CHCHD3: variants seen among roughly 807,000 people sequenced by gnomAD.
CHCHD3 encodes the protein coiled-coil-helix-coiled-coil-helix domain containing 3, also known as MICOS complex subunit MIC19.
A neutral mutation model predicts 38.2 loss-of-function variants in CHCHD3; 20 were observed. The ratio of observed to expected loss-of-function variants is 0.52; its 90% confidence interval spans 0.37 to 0.76. CHCHD3 has a LOEUF of 0.76. Ranked by LOEUF, CHCHD3 falls within the 30% of genes least tolerant of loss-of-function variation. The pLI is 0.00. For synonymous variants in CHCHD3, 82 were observed against 100.0 expected (o/e 0.82, Z 1.07); for missense variants, 245 against 279.2 (o/e 0.88, Z 0.87).
chr7:133,075,128 C>A (rs925757546), intron 1 of CHCHD3, among the ~76,000 whole-genome samples: 3 of 152,176 alleles, frequency 2.0e-5, no homozygotes, highest in Non-Finnish European at 2.9e-5. Flanking sequence ...CTCTTTCAAC[C>A]TAATCACTAA....
chr7:132,932,289 T>C (rs1377904087), intron 4 of CHCHD3, among the ~76,000 whole-genome samples: 1 of 152,036 alleles, frequency 6.6e-6, no homozygotes, highest in African/African-American at 2.4e-5. Context: ...GAGAGAGCAA[T>C]GAACACTAGA....
chr7:132,926,958 T>C (rs1810393783), intron 4 of CHCHD3, among the ~76,000 whole-genome samples: 1 of 152,208 alleles, frequency 6.6e-6, no homozygotes, highest in Non-Finnish European at 1.5e-5. Context: ...TCAGAATCCA[T>C]CCTGTTTACC....
At chr7:132,929,282 C>T (rs997106858) in intron 4 of CHCHD3, among the ~76,000 whole-genome samples, 5 of 152,110 alleles carry the variant, frequency 3.3e-5, no homozygotes, top group African/African-American at 4.8e-5. Flanking sequence ...TCACCTCTGA[C>T]GGATCCCTCA....
At chr7:133,021,699 G>C (rs1023503924) in intron 3 of CHCHD3, among the ~76,000 whole-genome samples, 3 of 152,188 alleles carry the variant, frequency 2.0e-5, no homozygotes, top group African/African-American at 7.2e-5. Context: ...CACATATGTA[G>C]AGTGACTAGA....
intron 2 of CHCHD3, among the ~76,000 whole-genome samples, chr7:133,038,751 T>G (rs1398821146): frequency 6.6e-6 from 1 of 152,178 alleles, no homozygotes; most frequent in African/African-American, 2.4e-5. Flanking sequence ...ATAGCAAAGT[T>G]CTATAGAGAT....
intron 5 of CHCHD3, among the ~76,000 whole-genome samples, chr7:132,870,528 AT>A (rs1808741611): frequency 6.6e-6 from 1 of 152,154 alleles, no homozygotes; most frequent in East Asian, 1.9e-4. Context: ...CTAATTTAGT[AT>A]GTATAAATTA....
chr7:132,819,307 G>A (rs1807282077), intron 6 of CHCHD3, among the ~76,000 whole-genome samples: 1 of 152,154 alleles, frequency 6.6e-6, no homozygotes, highest in Admixed American at 6.5e-5. Flanking sequence ...CCCTTTCAGA[G>A]TAAAAACACT....
chr7:132,951,521 T>A (rs979299947), intron 4 of CHCHD3, among the ~76,000 whole-genome samples: 7 of 152,212 alleles, frequency 4.6e-5, no homozygotes, highest in Non-Finnish European at 8.8e-5. Flanking sequence ...ACAGACTGCA[T>A]ACTGAACGGT....
At chr7:132,962,506 G>A (rs189821284) in intron 4 of CHCHD3, among the ~76,000 whole-genome samples, 203 of 152,310 alleles carry the variant, frequency 1.3e-3, no homozygotes, top group African/African-American at 3.7e-3. Context: ...GAAGGGCAGA[G>A]GGACAGAGAG....
intron 5 of CHCHD3, among the ~76,000 whole-genome samples, chr7:132,870,221 G>A (rs536112069): frequency 5.9e-5 from 9 of 151,958 alleles, no homozygotes; most frequent in South Asian, 2.1e-4. Context: ...GTGATGGCAC[G>A]TGCATGTAGT....
chr7:132,879,716 T>TAA (rs56259114), intron 5 of CHCHD3, among the ~76,000 whole-genome samples: 544 of 38,452 alleles, frequency 0.014, 39 homozygotes, highest in African/African-American at 0.049. Flanking sequence ...TTGTCAAAAG[T>TAA]AAAAAAAAAA....
At chr7:132,835,655 C>G (rs1433062247) in intron 6 of CHCHD3, among the ~76,000 whole-genome samples, 1 of 152,152 alleles carries the variant, frequency 6.6e-6, no homozygotes, top group Non-Finnish European at 1.5e-5. Context: ...ATGAAATCCA[C>G]TCTCCACTGA....
chr7:132,792,272 T>C (rs1033963159), intron 7 of CHCHD3, among the ~76,000 whole-genome samples: 1 of 152,186 alleles, frequency 6.6e-6, no homozygotes, highest in East Asian at 1.9e-4. Flanking sequence ...GGAGGGAGCC[T>C]GCATTTTCTA....
intron 2 of CHCHD3, among the ~76,000 whole-genome samples, chr7:133,053,772 G>C (rs1280653106): frequency 6.6e-6 from 1 of 152,206 alleles, no homozygotes; most frequent in Admixed American, 6.5e-5. Context: ...TTTTATTTAA[G>C]TTACTTGATG....
intron 3 of CHCHD3, among the ~76,000 whole-genome samples, chr7:133,002,002 T>C (rs570731796): frequency 4.1e-4 from 63 of 152,084 alleles, no homozygotes; most frequent in Non-Finnish European, 8.2e-4. Flanking sequence ...GCATCTAGAG[T>C]TATCATTGTC....
chr7:132,786,233 A>ATGG (rs1235657852), intron 7 of CHCHD3, among the ~76,000 whole-genome samples: 1 of 152,182 alleles, frequency 6.6e-6, no homozygotes, highest in Non-Finnish European at 1.5e-5. Flanking sequence ...AGCATGGCTG[A>ATGG]TGGATGCAGT....
At chr7:132,988,920 T>TA (rs1200970990) in intron 3 of CHCHD3, among the ~76,000 whole-genome samples, 2 of 151,846 alleles carry the variant, frequency 1.3e-5, no homozygotes, top group Non-Finnish European at 2.9e-5. Context: ...CCCTGTCTCT[T>TA]AAAAAAATAA....
intron 4 of CHCHD3, among the ~76,000 whole-genome samples, chr7:132,910,454 C>T (rs1249745692): frequency 6.6e-6 from 1 of 152,116 alleles, no homozygotes; most frequent in Non-Finnish European, 1.5e-5. Context: ...CTTTCTTATA[C>T]TAATAAACTA....
At chr7:132,885,927 C>T (rs917728101) in intron 4 of CHCHD3, among the ~76,000 whole-genome samples, 182 bp from the exon 5 acceptor site, 6 of 151,966 alleles carry the variant, frequency 3.9e-5, no homozygotes, top group African/African-American at 9.7e-5. Context: ...AGAAGAAGTC[C>T]GCATTGTATT....
Sources: gnomAD v4.1 joint callset for allele counts (sites outside exome capture counted in the v4.1 genomes callset) on GRCh38, gnomAD v4.1.1 for gene constraint, MANE v1.5 for transcripts, NCBI Gene and HGNC (gene_info 2026-07-23, HGNC 2026-07-21) for gene names.